ETHE1: variants seen among roughly 807,000 people sequenced by gnomAD.
The protein encoded by ETHE1 is ETHE1 persulfide dioxygenase, also known as persulfide dioxygenase ETHE1, mitochondrial.
In ETHE1, 16 loss-of-function variants were observed where a neutral mutation model predicts 25.7. That is an observed-to-expected ratio of 0.62 (90% CI 0.42 to 0.95). ETHE1 has a LOEUF of 0.95. Among genes scored for constraint, ETHE1 ranks in the 40% least tolerant of loss-of-function variants. ETHE1 has a pLI of 0.00. For missense variants in ETHE1, 300 were observed against 333.6 expected (o/e 0.90, Z 0.79); for synonymous variants, 139 against 135.9 (o/e 1.02, Z -0.16).
At chr19:43,518,751 CAA>C (rs34214132) in intron 3 of ETHE1, among the ~76,000 whole-genome samples, 17,866 of 77,522 alleles carry the variant, frequency 0.23, 861 homozygotes, top group Non-Finnish European at 0.25. Context: ...ACTCTTGTCT[CAA>C]AAAAAAAAAA....
Position 43,527,003 on chromosome 19 carries a change from C to T in ETHE1, c.81+94G>A, listed in dbSNP as rs187613661. The T allele has an allele frequency of 2.0e-3, 3,114 of 1,535,132 alleles. 5 individuals carry two copies. Among genetic ancestry groups the T allele is most frequent in the Non-Finnish European group, 2.4e-3 (2,691 of 1,145,012 alleles). ...CTTTCCGCAAGATGCAGGCGTGGGT[C>T]CCCCCGGATCTCTCCCTATTAAGAG... On this transcript the variant is annotated intron_variant, in intron 1 of 6. Transcript: ENST00000292147.
At chr19:43,522,411 C>T (rs1338083480) in intron 3 of ETHE1, among the ~76,000 whole-genome samples, 5 of 152,242 alleles carry the variant, frequency 3.3e-5, no homozygotes, top group Admixed American at 2.6e-4. Flanking sequence ...GGCAATAGAA[C>T]AAGAGCCTGT....
intron 3 of ETHE1, among the ~76,000 whole-genome samples, chr19:43,512,224 G>C (rs959521779): frequency 6.6e-6 from 1 of 152,194 alleles, no homozygotes; most frequent in African/African-American, 2.4e-5. Context: ...GCTGCTATAA[G>C]GAGATGTGAA....
chr19:43,526,682 A>T (rs778213628), intron 1 of ETHE1, 23 bp from the exon 2 acceptor site: 1 of 1,612,544 alleles, frequency 6.2e-7, no homozygotes, highest in East Asian at 2.2e-5. Context: ...GACCCAGGTG[A>T]GGGCGCAGAA....
intron 6 of ETHE1, 33 bp downstream of exon 6, chr19:43,507,911 C>T (rs375984717): frequency 6.2e-7 from 1 of 1,608,200 alleles, no homozygotes; most frequent in African/African-American, 1.3e-5. Flanking sequence ...CCTCCTCTCT[C>T]AGACCCAGAA....
chr19:43,520,103 C>T (rs908892050), intron 3 of ETHE1, among the ~76,000 whole-genome samples: 5 of 150,818 alleles, frequency 3.3e-5, no homozygotes, highest in Non-Finnish European at 5.9e-5. Context: ...AATCTTAGCA[C>T]TTTGGGAGGT....
Position 43,508,061 on chromosome 19 carries a change from C to G in ETHE1, c.596-1G>C. On this transcript the variant is annotated splice_acceptor_variant, in intron 5 of 6. Coordinates refer to ENST00000292147, the MANE Select transcript of ETHE1 (RefSeq NM_014297.5). LOFTEE classifies it high-confidence loss of function. ...TCCTCCACGGTGGACACTGTGAACC[C>G]TAGGGGCCAAGGGAGGGGAAGGAAA... 6.2e-7 allele frequency: 1 copy of G among 1,613,652 alleles called. No homozygotes were observed. The highest frequency in any genetic ancestry group is 1.1e-5 in the South Asian group (1 of 91,030).
At chr19:43,516,584 GTCAGCCACCATGCCTGGCTTTTTTT>G (rs1972022460) in intron 3 of ETHE1, among the ~76,000 whole-genome samples, 4 of 147,004 alleles carry the variant, frequency 2.7e-5, no homozygotes, top group Middle Eastern at 4.1e-3. Flanking sequence ...ACAGGTGTGA[GTCAGCCACCATGCCTGGCTTTTTTT>G]TCTTTCTTTT....
chr19:43,526,826 G>T, intron 1 of ETHE1, 167 bp from the exon 2 acceptor site: 1 of 1,493,282 alleles, frequency 6.7e-7, no homozygotes, highest in Non-Finnish European at 8.9e-7. Flanking sequence ...TCCCCTATCA[G>T]AACAAAAGAG....
chr19:43,510,388 T>C (rs1196018633), intron 4 of ETHE1, among the ~76,000 whole-genome samples: 1 of 148,840 alleles, frequency 6.7e-6, no homozygotes, highest in Non-Finnish European at 1.5e-5. Flanking sequence ...CAGGCTGGAG[T>C]GCAGTGGCGC....
chr19:43,522,473 TTTTA>T (rs1426001890), intron 3 of ETHE1, among the ~76,000 whole-genome samples: 2 of 152,168 alleles, frequency 1.3e-5, no homozygotes, highest in South Asian at 2.1e-4. Flanking sequence ...TTATTTTTTA[TTTTA>T]TTTATTTATT....
At chr19:43,513,087 A>C (rs549884326) in intron 3 of ETHE1, among the ~76,000 whole-genome samples, 1 of 152,356 alleles carries the variant, frequency 6.6e-6, no homozygotes, top group South Asian at 2.1e-4. Context: ...GCTGGTGAAC[A>C]GAAGTCAAGA....
At chr19:43,511,954 G>A (rs931360921) in intron 3 of ETHE1, among the ~76,000 whole-genome samples, 5 of 152,034 alleles carry the variant, frequency 3.3e-5, no homozygotes, top group African/African-American at 7.2e-5. Context: ...ATGCTGTCTC[G>A]TGATGATGAA....
Position 43,515,036 on chromosome 19 carries a change from A to G in ETHE1, c.376-3470T>C, listed in dbSNP as rs78630391. Among the ~76,000 whole-genome samples the G allele has an allele frequency of 1.8e-3, 272 of 152,334 alleles. 5 individuals are homozygous for G. The East Asian group carries it at 0.047, about 26-fold the overall frequency. On this transcript the variant is annotated intron_variant, in intron 3 of 6. Transcript: ENST00000292147. ...AAACCAATTTTAAAAAGGTAAGCAC[A>G]CTAATATAAAAATGGAATACCCAAC...
intron 3 of ETHE1, chr19:43,525,953 G>C: frequency 1.7e-6 from 1 of 582,044 alleles, no homozygotes; most frequent in Non-Finnish European, 3.0e-6. Context: ...GCTTTAGGAA[G>C]GAAACTCCTT....
chr19:43,508,079 G>A lies in ETHE1; in HGVS notation c.596-19C>T. 6.2e-7 allele frequency: 1 copy of A among 1,613,004 alleles called. No individual in the cohort carries two copies. Among genetic ancestry groups the A allele is most frequent in the Non-Finnish European group, 8.5e-7 (1 of 1,179,816 alleles). On this transcript the variant is annotated intron_variant, in intron 5 of 6. Transcript: ENST00000292147. ...GTGAACCCTAGGGGCCAAGGGAGGG[G>A]AAGGAAAGTCAAGGAGTCTAGTGCC...
Position 43,508,209 on chromosome 19 carries a change from A to G in ETHE1, c.596-149T>C, listed in dbSNP as rs577585406. On this transcript the variant is annotated intron_variant, in intron 5 of 6. Coordinates refer to ENST00000292147, the MANE Select transcript of ETHE1 (RefSeq NM_014297.5). ...TTGCTTTCCCTCCTCCATGGACACT[A>G]TGGGAAATTTAGTTTTCCCCCAGTT... The G allele has an allele frequency of 9.2e-5, 121 of 1,320,840 alleles. 1 individual carries two copies. The East Asian group carries it at 1.2e-3, about 13-fold the overall frequency. The allele number at this position is 1,320,840 out of a possible 1,614,324, so 81.8% of individuals were successfully genotyped here. A position where few individuals can be genotyped will look rare whatever the true frequency, so the allele number is the denominator to read the frequency against.
intron 3 of ETHE1, among the ~76,000 whole-genome samples, chr19:43,515,136 G>A (rs1971993116): frequency 6.6e-6 from 1 of 152,070 alleles, no homozygotes; most frequent in African/African-American, 2.4e-5. Context: ...GGCAGTGGTG[G>A]CTGGGCGCTG....
intron 5 of ETHE1, 68 bp from the exon 6 acceptor site, chr19:43,508,128 C>T: frequency 1.3e-6 from 2 of 1,596,980 alleles, no homozygotes; most frequent in Admixed American, 3.5e-5. Context: ...AACTACATTC[C>T]CCAGGAGGCC....
Sources: gnomAD v4.1 joint callset for allele counts (sites outside exome capture counted in the v4.1 genomes callset) on GRCh38, gnomAD v4.1.1 for gene constraint, MANE v1.5 for transcripts, NCBI Gene and HGNC (gene_info 2026-07-23, HGNC 2026-07-21) for gene names.